LDB2: variants seen among roughly 807,000 people sequenced by gnomAD.
LDB2 encodes the protein LIM domain-binding protein 2.
LDB2 carries 12 observed loss-of-function variants against 44.3 expected under a neutral mutation model. That is an observed-to-expected ratio of 0.27 (90% CI 0.17 to 0.44). The LOEUF is 0.44. Ranked by LOEUF, LDB2 falls within the 20% of genes least tolerant of loss-of-function variation. LDB2 has a pLI of 1.00. For missense variants in LDB2, 344 were observed against 473.5 expected, an observed-to-expected ratio of 0.73 and a Z score of 2.54; for synonymous variants, 164 against 174.8, an observed-to-expected ratio of 0.94 and a Z score of 0.49.
intron 5 of LDB2, among the ~76,000 whole-genome samples, chr4:16,563,414 C>T (rs4128630): frequency 7.5e-6 from 1 of 133,096 alleles, no homozygotes; most frequent in Admixed American, 8.1e-5. Flanking sequence ...TCAAAACCAT[C>T]TCATCAGTCA....
chr4:16,875,880 C>CT (rs760238479), intron 1 of LDB2, among the ~76,000 whole-genome samples: 10 of 152,222 alleles, frequency 6.6e-5, no homozygotes, highest in Non-Finnish European at 1.5e-4. Context: ...AAAATACCCT[C>CT]TATCCTTCTC....
chr4:16,587,337 C>G (rs1717352224), intron 4 of LDB2, among the ~76,000 whole-genome samples: 1 of 152,048 alleles, frequency 6.6e-6, no homozygotes, highest in Non-Finnish European at 1.5e-5. Context: ...ATTACTGTAC[C>G]CATCTTATAG....
At chr4:16,663,097 G>A (rs1043014043) in intron 2 of LDB2, among the ~76,000 whole-genome samples, 6 of 152,060 alleles carry the variant, frequency 3.9e-5, no homozygotes, top group African/African-American at 1.2e-4. Flanking sequence ...GGAGCTCAAA[G>A]CACTTCCTCT....
intron 2 of LDB2, among the ~76,000 whole-genome samples, chr4:16,756,230 A>G (rs1364400980): frequency 6.6e-6 from 1 of 152,160 alleles, no homozygotes; most frequent in East Asian, 1.9e-4. Context: ...CTGGTGGATC[A>G]CTTCGGGCCA....
intron 2 of LDB2, among the ~76,000 whole-genome samples, chr4:16,687,062 GA>G (rs144762051): frequency 0.091 from 13,768 of 150,730 alleles, 824 homozygotes; most frequent in East Asian, 0.2. Context: ...AATATGGGGT[GA>G]AAAAAATACT....
intron 1 of LDB2, among the ~76,000 whole-genome samples, chr4:16,774,305 C>A (rs1022963073): frequency 6.6e-6 from 1 of 152,124 alleles, no homozygotes; most frequent in African/African-American, 2.4e-5. Flanking sequence ...CACCTTCCAA[C>A]CTGCAGAAAA....
chr4:16,721,352 C>T (rs545932473), intron 2 of LDB2, among the ~76,000 whole-genome samples: 33 of 152,230 alleles, frequency 2.2e-4, no homozygotes, highest in South Asian at 2.1e-4. Flanking sequence ...TGTTTTGCCT[C>T]TGGTCTTTAA....
intron 1 of LDB2, among the ~76,000 whole-genome samples, chr4:16,769,280 G>A (rs574745586): frequency 6.3e-4 from 93 of 147,288 alleles, no homozygotes; most frequent in African/African-American, 2.3e-3. Flanking sequence ...TATTTTTATG[G>A]GATTCTTTTT....
intron 1 of LDB2, among the ~76,000 whole-genome samples, chr4:16,787,363 A>C (rs1469144079): frequency 1.3e-5 from 2 of 152,212 alleles, no homozygotes; most frequent in Non-Finnish European, 2.9e-5. Context: ...CTGTAATCCC[A>C]GCATTTTGGG....
chr4:16,785,946 C>A (rs1021575795), intron 1 of LDB2, among the ~76,000 whole-genome samples: 3 of 152,090 alleles, frequency 2.0e-5, no homozygotes, highest in Non-Finnish European at 4.4e-5. Flanking sequence ...AGACTCTCCC[C>A]AAAATGAATT....
chr4:16,826,708 C>T (rs1783119031), intron 1 of LDB2: 1 of 152,068 alleles, frequency 6.6e-6, no homozygotes, highest in Non-Finnish European at 1.5e-5. Flanking sequence ...AATCCTCTTT[C>T]TAAGCCCATT....
chr4:16,661,650 C>A (rs571005827), intron 2 of LDB2, among the ~76,000 whole-genome samples: 2 of 152,228 alleles, frequency 1.3e-5, no homozygotes, highest in East Asian at 3.9e-4. Context: ...TCCTCTTCAT[C>A]AATATCATTA....
chr4:16,506,966 G>T (rs1719715762), intron 7 of LDB2: 1 of 152,176 alleles, frequency 6.6e-6, no homozygotes. Context: ...ATTGGATAAA[G>T]AAATGGGCTC....
intron 5 of LDB2, among the ~76,000 whole-genome samples, chr4:16,556,021 C>T (rs950314936): frequency 6.6e-6 from 1 of 152,098 alleles, no homozygotes; most frequent in African/African-American, 2.4e-5. Context: ...TATGTTCTTC[C>T]CCTGTTTCTC....
At chr4:16,565,236 A>T (rs1254944333) in intron 5 of LDB2, among the ~76,000 whole-genome samples, 2 of 152,218 alleles carry the variant, frequency 1.3e-5, no homozygotes, top group African/African-American at 2.4e-5. Context: ...TGGAGTGAGA[A>T]CAGTAATGAT....
chr4:16,694,932 T>C (rs1241055929), intron 2 of LDB2, among the ~76,000 whole-genome samples: 1 of 152,216 alleles, frequency 6.6e-6, no homozygotes, highest in Admixed American at 6.5e-5. Flanking sequence ...TCATGGCATC[T>C]TGGCCCCAGT....
intron 2 of LDB2, chr4:16,726,547 T>C (rs542678094): frequency 6.6e-6 from 1 of 152,278 alleles, no homozygotes; most frequent in Admixed American, 6.5e-5. Flanking sequence ...CCCAAATGAG[T>C]ATGTGGAGTT....
intron 3 of LDB2, among the ~76,000 whole-genome samples, chr4:16,591,873 C>CT (rs34124156): frequency 9.1e-4 from 135 of 147,570 alleles, no homozygotes; most frequent in African/African-American, 1.7e-3. Context: ...TGAAGTCGGC[C>CT]TTTTTTTTTT....
chr4:16,755,125 T>G (rs917346681), intron 2 of LDB2, among the ~76,000 whole-genome samples: 5 of 152,192 alleles, frequency 3.3e-5, no homozygotes, highest in Non-Finnish European at 7.3e-5. Context: ...CTGAGAAGCA[T>G]GTTACTCAAA....
Sources: allele counts gnomAD v4.1 joint callset (sites outside exome capture counted in the v4.1 genomes callset), GRCh38; gene constraint gnomAD v4.1.1; transcripts MANE v1.5; gene names NCBI Gene and HGNC (gene_info 2026-07-23, HGNC 2026-07-21).